The following NRG1 variants were observed in gnomAD, a reference collection of about 807,000 sequenced individuals.
NRG1 encodes the protein pro-neuregulin-1, membrane-bound isoform.
Under a neutral mutation model 63.8 loss-of-function variants are expected in NRG1, and 18 were observed. The observed-to-expected ratio is 0.28, with a 90% CI of 0.19 to 0.42. The LOEUF is 0.42. Ranked by LOEUF, NRG1 falls within the 10% of genes least tolerant of loss-of-function variation. The probability of loss-of-function intolerance (pLI) is 1.00; values close to 1 mark genes in which losing one functional copy is unlikely to be tolerated. For synonymous variants in NRG1, 302 were observed against 301.3 expected, an observed-to-expected ratio of 1.00 and a Z score of -0.02; for missense variants, 762 against 814.7, an observed-to-expected ratio of 0.94 and a Z score of 0.79.
At chr8:32,315,024 C>CA (rs112786318) in intron 1 of NRG1, among the ~76,000 whole-genome samples, 20,989 of 152,178 alleles carry the variant, frequency 0.14, 1,916 homozygotes, top group African/African-American at 0.23. Context: ...TGCAGACCCT[C>CA]ATCTAAGCTT....
At chr8:32,027,842 G>A (rs1250677378) in intron 1 of NRG1, among the ~76,000 whole-genome samples, 2 of 152,098 alleles carry the variant, frequency 1.3e-5, no homozygotes, top group African/African-American at 4.8e-5. Context: ...CAAATTTGCT[G>A]TGTATTCTTG....
intron 1 of NRG1, among the ~76,000 whole-genome samples, chr8:32,129,851 A>G (rs1319914583): frequency 2.6e-5 from 4 of 152,060 alleles, no homozygotes; most frequent in South Asian, 2.1e-4. Context: ...CCCAAAGGCT[A>G]TTTATCCCAA....
rs560628027 is a variant in NRG1, at chr8:32,637,206, CTGAG to C, written c.502+20324_502+20327del. ...GTTAATATTTTCCTATATTTGCTTACTGAGTGTCTACCCATTTATCTATCAACTT... is the reference window on the plus strand; with the variant it reads ...GTTAATATTTTCCTATATTTGCTTACTGTCTACCCATTTATCTATCAACTT... On this transcript the variant is annotated intron_variant, in intron 5 of 11. Transcript: ENST00000356819. Among the ~76,000 whole-genome samples, 340 of 152,246 alleles carry C rather than the reference CTGAG, an allele frequency of 2.2e-3. 1 individual carries two copies. The highest frequency in any genetic ancestry group is 7.6e-3 in the African/African-American group (315 of 41,546).
At chr8:32,420,005 C>T (rs1375906119) in intron 1 of NRG1, among the ~76,000 whole-genome samples, 1 of 152,148 alleles carries the variant, frequency 6.6e-6, no homozygotes, top group Admixed American at 6.5e-5. Context: ...TGGTCAATGG[C>T]ATCAGAGAAC....
intron 5 of NRG1, among the ~76,000 whole-genome samples, chr8:32,692,104 T>C (rs1050412508): frequency 1.3e-5 from 2 of 152,234 alleles, no homozygotes; most frequent in Non-Finnish European, 2.9e-5. Context: ...CTAATATGCA[T>C]AATGACTTGA....
chr8:32,613,600 G>A (rs1282773654), intron 3 of NRG1, among the ~76,000 whole-genome samples: 2 of 151,822 alleles, frequency 1.3e-5, no homozygotes, highest in African/African-American at 2.4e-5. Context: ...CATAATTTTT[G>A]TACAGTAGAT....
At chr8:32,268,587 G>A (rs1449485275) in intron 1 of NRG1, among the ~76,000 whole-genome samples, 1 of 152,148 alleles carries the variant, frequency 6.6e-6, no homozygotes, top group Non-Finnish European at 1.5e-5. Context: ...GTGTCCATGT[G>A]TCCATACATG....
At chr8:32,007,760 G>A (rs1282264743) in intron 1 of NRG1, among the ~76,000 whole-genome samples, 1 of 151,950 alleles carries the variant, frequency 6.6e-6, no homozygotes, top group Non-Finnish European at 1.5e-5. Flanking sequence ...TGTGTTTTCA[G>A]TGTACTACCA....
At chr8:32,240,044 C>T (rs889262035) in intron 1 of NRG1, among the ~76,000 whole-genome samples, 1 of 152,290 alleles carries the variant, frequency 6.6e-6, no homozygotes, top group Middle Eastern at 3.4e-3. Flanking sequence ...AGCAGTTGTG[C>T]TCTTGGACAT....
At chr8:31,873,114 A>T (rs902492661) in intron 1 of NRG1, among the ~76,000 whole-genome samples, 2 of 152,182 alleles carry the variant, frequency 1.3e-5, no homozygotes, top group African/African-American at 4.8e-5. Flanking sequence ...GTTCACCTCA[A>T]TTATACACTG....
At chr8:32,258,267 A>G (rs1044190550) in intron 1 of NRG1, among the ~76,000 whole-genome samples, 2 of 152,194 alleles carry the variant, frequency 1.3e-5, no homozygotes, top group Admixed American at 6.5e-5. Flanking sequence ...AGCTTTTCAC[A>G]GTTGAGGAAA....
In NRG1 at chr8:32,475,454, AC is replaced by A. The variant is rs938325861; in HGVS notation, c.38-120373del. Among the ~76,000 whole-genome samples, 226 of 68,144 alleles carry A rather than the reference AC, an allele frequency of 3.3e-3. 2 individuals carry two copies. Among genetic ancestry groups the A allele is most frequent in the African/African-American group, 0.011 (187 of 17,640 alleles). 44.7% of individuals were successfully genotyped at this position (68,144 alleles called of 152,430 possible). ...CACTCCAGCCTGGTGACAGAGAGAG[AC>A]TCTGTCTCAAAAAAAAAAAAAAAAA... is the stretch of plus-strand genomic sequence containing the variant. On this transcript the variant is annotated intron_variant, in intron 1 of 10. Transcript: ENST00000519301.
In NRG1 at chr8:32,683,670, C is replaced by G. The variant is rs533191845; in HGVS notation, c.503-44279C>G. Among the ~76,000 whole-genome samples, 7 of 152,172 alleles carry G rather than the reference C, an allele frequency of 4.6e-5. No homozygotes were observed. The South Asian group carries it at 1.5e-3, about 32-fold the overall frequency. On this transcript the variant is annotated intron_variant, in intron 5 of 11. Coordinates refer to ENST00000356819, the Ensembl canonical transcript of NRG1. ...TCCTACATAGGGGAAGTCTTCCAAC[C>G]CTTCCTACTTTTTAAGATTAGAAGA...
intron 1 of NRG1, among the ~76,000 whole-genome samples, chr8:32,097,865 C>T (rs926738273): frequency 1.3e-5 from 2 of 152,090 alleles, no homozygotes; most frequent in Non-Finnish European, 2.9e-5. Flanking sequence ...AATTTAAAAT[C>T]TATTATGCTT....
At chr8:32,233,903 A>G (rs530627043) in intron 1 of NRG1, among the ~76,000 whole-genome samples, 4 of 152,118 alleles carry the variant, frequency 2.6e-5, no homozygotes, top group Admixed American at 6.6e-5. Context: ...TCATATAAGC[A>G]GTAGAACCTA....
chr8:32,171,633 G>A (rs1235502340), intron 1 of NRG1, among the ~76,000 whole-genome samples: 6 of 152,082 alleles, frequency 3.9e-5, no homozygotes, highest in East Asian at 3.9e-4. Flanking sequence ...CTGGAAAATC[G>A]GGTCACTCCC....
intron 5 of NRG1, among the ~76,000 whole-genome samples, chr8:32,677,108 T>C (rs1218996247): frequency 1.3e-5 from 2 of 152,134 alleles, no homozygotes; most frequent in African/African-American, 4.8e-5. Flanking sequence ...AGAGAGAGAC[T>C]GAAAAATATG....
intron 1 of NRG1, among the ~76,000 whole-genome samples, chr8:32,508,641 A>G (rs186431577): frequency 3.9e-5 from 6 of 152,050 alleles, no homozygotes; most frequent in African/African-American, 1.2e-4. Context: ...AAGTTTTAAC[A>G]GTTGTCATTC....
chr8:31,667,083 G>A (rs1425240448), intron 1 of NRG1, among the ~76,000 whole-genome samples: 2 of 152,086 alleles, frequency 1.3e-5, no homozygotes, highest in African/African-American at 2.4e-5. Flanking sequence ...GAATACTCTG[G>A]GAGACAAAGA....
Sources: gnomAD v4.1 joint callset for allele counts (sites outside exome capture counted in the v4.1 genomes callset) on GRCh38, gnomAD v4.1.1 for gene constraint, MANE v1.5 for transcripts, NCBI Gene and HGNC (gene_info 2026-07-23, HGNC 2026-07-21) for gene names.